ASXL2: variants seen among roughly 807,000 people sequenced by gnomAD.
The protein encoded by ASXL2 is ASXL transcriptional regulator 2.
Under a neutral mutation model 122.0 loss-of-function variants are expected in ASXL2, and 23 were observed. The observed-to-expected ratio is 0.19, with a 90% CI of 0.14 to 0.27. The LOEUF is 0.27. ASXL2 is among the 10% of genes least tolerant of loss of function. The pLI is 1.00. For missense variants in ASXL2, 1,518 were observed against 1,713.8 expected (o/e 0.89, Z 2.02); for synonymous variants, 650 against 637.0 (o/e 1.02, Z -0.31).
rs1370219010 is a variant in ASXL2, at chr2:25,763,565, T to A, written c.776-3920A>T. Among the ~76,000 whole-genome samples, 5 of 151,192 alleles carry A rather than the reference T, an allele frequency of 3.3e-5. No individual in the cohort carries two copies. In the East Asian group the frequency reaches 9.7e-4, roughly 29 times the overall value. ...AGAATTCTGTGTTGAACAACTAGAG[T>A]ATATTTCTAAATTCAGTATCATTAG... On this transcript the variant is annotated intron_variant, in intron 8 of 12. Transcript: ENST00000435504.
At chr2:25,812,709 T>A (rs1286200841) in intron 3 of ASXL2, among the ~76,000 whole-genome samples, 1 of 152,110 alleles carries the variant, frequency 6.6e-6, no homozygotes, top group African/African-American at 2.4e-5. Flanking sequence ...TAAGGACAAA[T>A]GTGCAAGGAT....
intron 1 of ASXL2, among the ~76,000 whole-genome samples, chr2:25,869,385 A>C (rs1160300851): frequency 2.8e-5 from 4 of 143,770 alleles, no homozygotes; most frequent in East Asian, 2.0e-4. Flanking sequence ...AAAAAGGTAC[A>C]AAAAAAAAAA....
At chr2:25,763,854 G>A (rs2088294797) in intron 8 of ASXL2, among the ~76,000 whole-genome samples, 1 of 152,132 alleles carries the variant, frequency 6.6e-6, no homozygotes, top group African/African-American at 2.4e-5. Flanking sequence ...CAGGCGATTT[G>A]ATTTTCAAGT....
intron 8 of ASXL2, among the ~76,000 whole-genome samples, chr2:25,763,487 G>C (rs950632802): frequency 4.1e-5 from 6 of 147,724 alleles, no homozygotes; most frequent in African/African-American, 1.5e-4. Context: ...AAGACTCCAT[G>C]TTAAAAAAAA....
intron 5 of ASXL2, among the ~76,000 whole-genome samples, chr2:25,789,669 A>C (rs1365793754): frequency 6.6e-6 from 1 of 152,186 alleles, no homozygotes; most frequent in Admixed American, 6.5e-5. Flanking sequence ...ACGATGCTCA[A>C]AGGAAATGTT....
chr2:25,862,962 G>C (rs777457606), intron 1 of ASXL2, among the ~76,000 whole-genome samples: 1 of 152,012 alleles, frequency 6.6e-6, no homozygotes, highest in East Asian at 1.9e-4. Context: ...CTCTTATTTT[G>C]GTAGGAAAGA....
At chr2:25,832,794 T>C (rs1272162229) in intron 3 of ASXL2, among the ~76,000 whole-genome samples, 3 of 152,188 alleles carry the variant, frequency 2.0e-5, no homozygotes, top group African/African-American at 4.8e-5. Context: ...TCAGATATCA[T>C]GCAACGGATA....
intron 2 of ASXL2, among the ~76,000 whole-genome samples, chr2:25,841,245 G>C (rs2089574795): frequency 6.6e-6 from 1 of 152,302 alleles, no homozygotes; most frequent in Non-Finnish European, 1.5e-5. Context: ...GCATTAAGCT[G>C]AGATTGCACC....
chr2:25,773,417 G>A (rs1011508727), intron 5 of ASXL2, among the ~76,000 whole-genome samples: 2 of 151,996 alleles, frequency 1.3e-5, no homozygotes, highest in Non-Finnish European at 2.9e-5. Flanking sequence ...TGTAATCCCA[G>A]CACTTTGGGA....
chr2:25,848,930 C>A (rs976403248), intron 1 of ASXL2, among the ~76,000 whole-genome samples: 16 of 150,402 alleles, frequency 1.1e-4, no homozygotes, highest in African/African-American at 3.7e-4. Context: ...CCTGTAGTCC[C>A]GGCTACTACG....
chr2:25,801,524 A>G (rs1215725707), intron 4 of ASXL2, among the ~76,000 whole-genome samples: 1 of 152,060 alleles, frequency 6.6e-6, no homozygotes, highest in Non-Finnish European at 1.5e-5. Context: ...TTTTTCTATT[A>G]TTTCCTTCAA....
intron 5 of ASXL2, among the ~76,000 whole-genome samples, chr2:25,776,252 G>A (rs1215269919): frequency 6.6e-6 from 1 of 152,114 alleles, no homozygotes; most frequent in African/African-American, 2.4e-5. Flanking sequence ...TTCATATAAT[G>A]AAATCATACA....
chr2:25,854,970 C>T (rs572311308), intron 1 of ASXL2, among the ~76,000 whole-genome samples: 16 of 152,288 alleles, frequency 1.1e-4, no homozygotes, highest in South Asian at 2.1e-4. Flanking sequence ...CAAATAGAAA[C>T]TTTCAGTGTC....
chr2:25,758,035 A>G (rs560798805), intron 9 of ASXL2, among the ~76,000 whole-genome samples: 4 of 151,998 alleles, frequency 2.6e-5, no homozygotes, highest in Admixed American at 6.6e-5. Context: ...CAAAGCTATA[A>G]TTTCTCCAAG....
chr2:25,770,876 T>C (rs1254464769), intron 6 of ASXL2, among the ~76,000 whole-genome samples: 2 of 152,002 alleles, frequency 1.3e-5, no homozygotes, highest in Admixed American at 6.6e-5. Flanking sequence ...TTAAAACACA[T>C]ATACAAACAA....
intron 1 of ASXL2, among the ~76,000 whole-genome samples, chr2:25,853,292 T>C (rs78085180): frequency 1.3e-5 from 2 of 152,060 alleles, no homozygotes; most frequent in Non-Finnish European, 2.9e-5. Flanking sequence ...AAGGAACACA[T>C]GGTATTTAGA....
At chr2:25,759,334 G>T (rs931140448) in intron 9 of ASXL2, 148 bp downstream of exon 9, 3 of 725,836 alleles carry the variant, frequency 4.1e-6, no homozygotes, top group African/African-American at 1.8e-5. Context: ...TCTGGTAGGA[G>T]AATTTTTTTT....
At position 25,734,445 on chromosome 2, in the gene ASXL2, T is replaced by TATTA. The variant is rs2087701602; in HGVS notation, c.*7580_*7583dup. On this transcript the variant is annotated 3_prime_UTR_variant, in exon 13 of 13. Transcript: ENST00000435504. ...CTGACTTCGGGTCAAAGCCCAACTC[T>TATTA]ATTATAATTTCCAAGCTCTAGGTAT... 2 of 152,214 alleles carry TATTA rather than the reference T, an allele frequency of 1.3e-5. No individual in the cohort carries two copies. Among genetic ancestry groups the TATTA allele is most frequent in the South Asian group, 4.1e-4 (2 of 4,836 alleles). 9.4% of individuals were successfully genotyped at this position (152,214 alleles called of 1,614,324 possible). A position where few individuals can be genotyped will look rare whatever the true frequency, so the allele number is the denominator to read the frequency against.
intron 1 of ASXL2, among the ~76,000 whole-genome samples, chr2:25,848,450 G>C (rs1181973427): frequency 6.6e-6 from 1 of 151,794 alleles, no homozygotes; most frequent in East Asian, 1.9e-4. Context: ...GTAAAACCCT[G>C]TCTCTACTAA....
Sources: allele counts gnomAD v4.1 joint callset (sites outside exome capture counted in the v4.1 genomes callset), GRCh38; gene constraint gnomAD v4.1.1; transcripts MANE v1.5; gene names NCBI Gene and HGNC (gene_info 2026-07-23, HGNC 2026-07-21).